Variants in BLMH observed in about 807,000 individuals in gnomAD.
BLMH encodes BLM hydrolase.
In BLMH, 32 loss-of-function variants were observed where a neutral mutation model predicts 61.6. The ratio of observed to expected loss-of-function variants is 0.52; its 90% CI spans 0.39 to 0.70. The LOEUF (loss-of-function observed/expected upper bound fraction) is 0.70. Among genes scored for constraint, BLMH ranks in the 30% least tolerant of loss-of-function variants. The pLI is 0.00. For synonymous variants in BLMH, 183 were observed against 193.8 expected (o/e 0.94, Z 0.46); for missense variants, 460 against 555.5 (o/e 0.83, Z 1.73).
At chr17:30,267,002 T>A (rs1216117006) in intron 10 of BLMH, 48 bp from the exon 11 acceptor site, 2 of 1,561,290 alleles carry the variant, frequency 1.3e-6, no homozygotes, top group South Asian at 2.2e-5. Flanking sequence ...AGATTCTCCC[T>A]GCTGAGGTGT....
intron 6 of BLMH, among the ~76,000 whole-genome samples, chr17:30,277,195 C>T (rs1908446725): frequency 6.6e-6 from 1 of 152,132 alleles, no homozygotes; most frequent in Non-Finnish European, 1.5e-5. Context: ...GTCATTAAAC[C>T]ATCTCTCTTT....
At chr17:30,287,031 G>A (rs552766212) in intron 4 of BLMH, 129 bp from the exon 5 acceptor site, 2 of 649,174 alleles carry the variant, frequency 3.1e-6, no homozygotes, top group African/African-American at 1.8e-5. Context: ...TTCATATTAT[G>A]AAGCAGGGTT....
chr17:30,249,189 CT>C, intron 11 of BLMH, 21 bp from the exon 12 acceptor site: 2 of 1,613,716 alleles, frequency 1.2e-6, no homozygotes, highest in Non-Finnish European at 1.7e-6. Context: ...GAACAGAAGA[CT>C]TATGAGTCCA....
In BLMH at chr17:30,282,064, C is replaced by T. The variant is rs1002751395; in HGVS notation, c.645+3324G>A. 5.9e-5 allele frequency among the ~76,000 whole-genome samples: 9 copies of T among 151,964 alleles called. No individual in the cohort carries two copies. The South Asian group carries it at 6.2e-4, about 11-fold the overall frequency. On this transcript the variant is annotated intron_variant, in intron 6 of 11. Transcript: ENST00000261714. ...TGGTTTTGGTCTTTGATTGACTGAT[C>T]GATTGATTTTAGAAATGAGGTCTCA...
chr17:30,281,427 C>T (rs1908587486), intron 6 of BLMH, among the ~76,000 whole-genome samples: 1 of 151,700 alleles, frequency 6.6e-6, no homozygotes, highest in Admixed American at 6.6e-5. Context: ...CTACTTTAGA[C>T]CACATCTATT....
intron 11 of BLMH, among the ~76,000 whole-genome samples, chr17:30,258,019 G>C (rs1037218949): frequency 6.6e-6 from 1 of 152,024 alleles, no homozygotes; most frequent in African/African-American, 2.4e-5. Context: ...ATTTTTTAGA[G>C]ATGGAGTCTC....
chr17:30,249,296 T>C (rs1907611280), intron 11 of BLMH, 128 bp from the exon 12 acceptor site: 1 of 1,001,432 alleles, frequency 1.0e-6, no homozygotes, highest in Non-Finnish European at 1.4e-6. Flanking sequence ...CATCTGTAAT[T>C]TCATTTAATC....
intron 6 of BLMH, among the ~76,000 whole-genome samples, chr17:30,281,903 G>A (rs1210516692): frequency 6.6e-6 from 1 of 152,116 alleles, no homozygotes; most frequent in African/African-American, 2.4e-5. Flanking sequence ...TCTATTCCAG[G>A]GAAACTGACT....
chr17:30,268,713 T>C (rs1022439267), intron 10 of BLMH, among the ~76,000 whole-genome samples: 6 of 151,218 alleles, frequency 4.0e-5, no homozygotes, highest in African/African-American at 1.5e-4. Context: ...TTTTTGTTTG[T>C]TTGTTTTTTT....
In BLMH at chr17:30,291,342, C is replaced by A. The variant is rs764668271; in HGVS notation, c.180G>T (p.Glu60Asp). 3 of 1,613,046 alleles carry A rather than the reference C, an allele frequency of 1.9e-6. No homozygotes were observed. Among genetic ancestry groups the A allele is most frequent in the East Asian group, 4.5e-5 (2 of 44,886 alleles). ...TCTTCTGGTTGGTGATTGGCTTGCC[C>A]TCCTGGGGCACGGCGTGCTGGAACA... is the stretch of plus-strand genomic sequence containing the variant. ...QHVFQHAVPQEGKPITNQKSS... is the reference protein window; with the variant it reads ...QHVFQHAVPQDGKPITNQKSS... The change falls in exon 2 of 12, where the codon GAG becomes GAT. Residue 60 changes from glutamate to aspartate, a missense_variant. Glu to Asp is a conservative substitution (Grantham distance 45, BLOSUM62 2). Transcript: ENST00000261714.
chr17:30,285,288 C>A (rs750443447), intron 6 of BLMH, 100 bp downstream of exon 6: 1 of 799,554 alleles, frequency 1.3e-6, no homozygotes, highest in East Asian at 2.7e-5. Flanking sequence ...ATTAAACATT[C>A]GTTGCCATGA....
At position 30,285,356 on chromosome 17, in the gene BLMH, G is replaced by A. The variant is rs760621364; in HGVS notation, c.645+32C>T. On this transcript the variant is annotated intron_variant, in intron 6 of 11. Transcript: ENST00000261714. The stretch of plus-strand genomic sequence containing the variant: ...GGAATATTCTGAGAGTTCCTTAGAG[G>A]GGTCACAAAAAAATCCAAATTTTGT... 3.4e-6 allele frequency: 5 copies of A among 1,463,548 alleles called. No homozygotes were observed. The South Asian group carries it at 4.7e-5, about 14-fold the overall frequency. The allele number at this position is 1,463,548 out of a possible 1,614,324, so 90.7% of individuals were successfully genotyped here. A position where few individuals can be genotyped will look rare whatever the true frequency, so the allele number is the denominator to read the frequency against.
rs772638812 is a variant in BLMH at position 30,291,494 on chromosome 17, T to G, written c.28A>C (p.Lys10Gln). The G allele has an allele frequency of 1.2e-6, 2 of 1,614,092 alleles. No individual in the cohort carries two copies. The highest frequency in any genetic ancestry group is 1.7e-5 in the Admixed American group (1 of 60,024). ...AGTTTCTGTATCAGAGCAGCTACCT[T>G]CTCCGAATTCAGTCCTGTTGGGAGA... Reference protein sequence around the residue: MSSSGLNSEKVAALIQKLNS... With the variant: MSSSGLNSEQVAALIQKLNS... Residue 10 changes from lysine to glutamine, a missense_variant, in exon 2 of 12, where the codon AAG becomes CAG. Physicochemically the swap from Lys to Gln is moderately conservative, Grantham distance 53. Transcript: ENST00000261714.
intron 11 of BLMH, chr17:30,250,336 G>C (rs904154405): frequency 6.6e-6 from 1 of 152,058 alleles, no homozygotes; most frequent in African/African-American, 2.4e-5. Flanking sequence ...TTCCGACAAA[G>C]GACTAACACC....
At chr17:30,272,452 G>A in intron 9 of BLMH, 109 bp downstream of exon 9, 1 of 1,263,430 alleles carries the variant, frequency 7.9e-7, no homozygotes, top group East Asian at 2.3e-5. Flanking sequence ...GCGCCCTTAG[G>A]TCAACCTTCA....
Position 30,249,150 on chromosome 17 carries a change from T to C in BLMH, c.1235A>G (p.Asp412Gly). 6.2e-7 allele frequency: 1 copy of C among 1,614,124 alleles called. No homozygotes were observed. The highest frequency in any genetic ancestry group is 8.5e-7 in the Non-Finnish European group (1 of 1,179,962). The change falls in exon 12 of 12, where the codon GAT becomes GGT. Residue 412 changes from aspartate (D) to glycine (G), a missense_variant. By Grantham distance (94) the Asp-to-Gly change is moderately conservative. Transcript: ENST00000261714. ...HGHKGYLCMT[D>G]EWFSEYVYEV... is the part of the protein sequence containing the mutation. Reference sequence around the variant, plus strand: ...GTAGACATACTCAGAGAACCACTCATCTGTCATGCACAGGTAACCTGGAGA... The same window carrying C: ...GTAGACATACTCAGAGAACCACTCACCTGTCATGCACAGGTAACCTGGAGA...
intron 1 of BLMH, 107 bp from the exon 2 acceptor site, chr17:30,291,615 C>G: frequency 6.8e-7 from 1 of 1,462,598 alleles, no homozygotes; most frequent in Non-Finnish European, 9.3e-7. Context: ...GGGGTGCCCG[C>G]TGCAGCGGGG....
intron 2 of BLMH, among the ~76,000 whole-genome samples, chr17:30,290,044 C>T (rs1260050710): frequency 6.6e-6 from 1 of 152,046 alleles, no homozygotes; most frequent in Non-Finnish European, 1.5e-5. Flanking sequence ...TTGGTATTTA[C>T]AAATATTCTA....
Position 30,286,922 on chromosome 17 carries a change from A to G in BLMH, c.464-20T>C, listed in dbSNP as rs1191945047. ...ATTTTTCTAAAAGAAAACAAATTCT[A>G]GTGTTAAAGAAGGTAAAAAATTAGA... On this transcript the variant is annotated intron_variant, in intron 4 of 11. Transcript: ENST00000261714. 1.3e-6 allele frequency: 2 copies of G among 1,482,594 alleles called. No individual in the cohort carries two copies. The highest frequency in any genetic ancestry group is 1.9e-6 in the Non-Finnish European group (2 of 1,073,276). 91.8% of individuals were successfully genotyped at this position (1,482,594 alleles called of 1,614,324 possible).
Sources: gnomAD v4.1 joint callset for allele counts (sites outside exome capture counted in the v4.1 genomes callset) on GRCh38, gnomAD v4.1.1 for gene constraint, MANE v1.5 for transcripts, NCBI Gene and HGNC (gene_info 2026-07-23, HGNC 2026-07-21) for gene names.